PDE11A: variants seen among roughly 807,000 people sequenced by gnomAD.
PDE11A encodes dual 3',5'-cyclic-AMP and -GMP phosphodiesterase 11A.
Under a neutral mutation model 100.5 loss-of-function variants are expected in PDE11A, and 100 were observed. The ratio of observed to expected loss-of-function variants is 1.00; its 90% CI spans 0.85 to 1.18. PDE11A has a LOEUF of 1.18. Among genes scored for constraint, PDE11A ranks in the 50% most tolerant of loss-of-function variants. The pLI, the probability that PDE11A is intolerant of heterozygous loss-of-function variation, is 0.00. For synonymous variants in PDE11A, 381 were observed against 420.8 expected (o/e 0.91, Z 1.16); for missense variants, 1,141 against 1,152.6 (o/e 0.99, Z 0.15).
chr2:177,672,535 T>G (rs1031014181), intron 17 of PDE11A, among the ~76,000 whole-genome samples: 1 of 152,156 alleles, frequency 6.6e-6, no homozygotes, highest in Non-Finnish European at 1.5e-5. Context: ...GGTATCAAGA[T>G]AGTGAGGAGG....
At chr2:178,084,042 GA>G (rs200409612) in intron 2 of PDE11A, among the ~76,000 whole-genome samples, 87 of 152,082 alleles carry the variant, frequency 5.7e-4, no homozygotes, top group African/African-American at 2.0e-3. Context: ...TGTATGTATA[GA>G]AAAAAACTAT....
chr2:177,786,239 G>A (rs6758508), intron 9 of PDE11A, among the ~76,000 whole-genome samples: 50,570 of 151,996 alleles, frequency 0.33, 8,794 homozygotes, highest in African/African-American at 0.39. Flanking sequence ...ATGAAAATCC[G>A]CTGTTCTGCA....
intron 5 of PDE11A, among the ~76,000 whole-genome samples, chr2:177,845,150 G>C (rs1302404817): frequency 6.7e-6 from 1 of 150,260 alleles, no homozygotes; most frequent in Non-Finnish European, 1.5e-5. Context: ...CGGACGGGGC[G>C]GCTGGCCGGG....
chr2:177,979,161 T>A (rs192301135), intron 2 of PDE11A, among the ~76,000 whole-genome samples: 3 of 150,472 alleles, frequency 2.0e-5, no homozygotes, highest in African/African-American at 7.2e-5. Context: ...CCCCAACCCC[T>A]TTGGATGTGT....
intron 2 of PDE11A, among the ~76,000 whole-genome samples, chr2:177,906,177 ACACG>A (rs3037874): frequency 0.26 from 39,716 of 151,050 alleles, 5,903 homozygotes; most frequent in African/African-American, 0.42. Context: ...ACACACACAC[ACACG>A]CACGCACGCA....
At chr2:177,882,070 T>C (rs1331805629) in intron 4 of PDE11A, among the ~76,000 whole-genome samples, 2 of 152,198 alleles carry the variant, frequency 1.3e-5, no homozygotes, top group African/African-American at 4.8e-5. Context: ...GTAAGAGATA[T>C]ACTCGAGGAT....
At position 178,071,901 on chromosome 2, in the gene PDE11A, T is replaced by C; in HGVS notation, c.537A>G (p.Arg179=). ...AHILSALLES[R]VNLPRYPPTA... ...TAGGGGGATACCGAGGCAGATTCAC[T>C]CTCGATTCCAGCAGCGCACTGAGAA... is the stretch of plus-strand genomic sequence containing the variant. The change falls in exon 1 of 20, where the codon AGA becomes AGG. Residue 179 remains arginine (R), a synonymous_variant. Transcript: ENST00000286063. The C allele has an allele frequency of 1.2e-6, 2 of 1,613,906 alleles. No individual in the cohort carries two copies. Among genetic ancestry groups the C allele is most frequent in the Non-Finnish European group, 1.7e-6 (2 of 1,179,844 alleles).
At chr2:178,077,297 A>C, upstream of PDE11A, among the ~76,000 whole-genome samples, 1 of 124,888 alleles carries the variant, frequency 8.0e-6, no homozygotes, top group Non-Finnish European at 1.6e-5. Flanking sequence ...ACAGAGTCTC[A>C]CTCTGCTGCC....
At chr2:177,853,926 A>G (rs1293269717) in intron 5 of PDE11A, among the ~76,000 whole-genome samples, 1 of 147,292 alleles carries the variant, frequency 6.8e-6, no homozygotes, top group African/African-American at 2.5e-5. Flanking sequence ...ATATATATGT[A>G]TATATATGTG....
intron 2 of PDE11A, among the ~76,000 whole-genome samples, chr2:177,995,231 T>C (rs1403519251): frequency 6.6e-6 from 1 of 152,178 alleles, no homozygotes; most frequent in African/African-American, 2.4e-5. Flanking sequence ...GGCAATTTTA[T>C]ATTCCTTTGT....
At chr2:177,961,043 A>G (rs1414092199) in intron 2 of PDE11A, among the ~76,000 whole-genome samples, 2 of 152,188 alleles carry the variant, frequency 1.3e-5, no homozygotes, top group Admixed American at 6.5e-5. Context: ...AACCTTCCTG[A>G]TCATTCCTCC....
At chr2:177,800,303 G>A (rs574709821) in intron 9 of PDE11A, among the ~76,000 whole-genome samples, 3 of 152,082 alleles carry the variant, frequency 2.0e-5, no homozygotes, top group Non-Finnish European at 2.9e-5. Flanking sequence ...CTGAGTAGCT[G>A]GGACTATAGG....
intron 2 of PDE11A, among the ~76,000 whole-genome samples, chr2:177,927,218 C>T (rs1294252460): frequency 2.0e-5 from 3 of 152,218 alleles, no homozygotes; most frequent in Non-Finnish European, 4.4e-5. Context: ...ATTGCCATGA[C>T]AGCTAGTCAA....
intron 2 of PDE11A, among the ~76,000 whole-genome samples, chr2:177,932,204 T>C (rs1226514382): frequency 6.6e-6 from 1 of 152,046 alleles, no homozygotes; most frequent in Admixed American, 6.6e-5. Context: ...CTCTGGACCA[T>C]ATGAATTGAA....
At chr2:177,961,565 C>T (rs1490098252) in intron 2 of PDE11A, among the ~76,000 whole-genome samples, 2 of 152,078 alleles carry the variant, frequency 1.3e-5, no homozygotes, top group Admixed American at 6.6e-5. Context: ...TTTTTACTTA[C>T]ATTTAATTTT....
intron 5 of PDE11A, among the ~76,000 whole-genome samples, chr2:177,861,885 C>T (rs2083951035): frequency 6.6e-6 from 1 of 151,830 alleles, no homozygotes; most frequent in African/African-American, 2.4e-5. Context: ...TGATATTGGA[C>T]CCCTTATCTC....
intron 1 of PDE11A, among the ~76,000 whole-genome samples, chr2:178,023,876 A>G (rs774809851): frequency 3.9e-5 from 6 of 152,202 alleles, no homozygotes; most frequent in Non-Finnish European, 5.9e-5. Context: ...AAGGTGAAAT[A>G]AGATATGCAT....
intron 12 of PDE11A, among the ~76,000 whole-genome samples, chr2:177,721,246 C>T (rs1027432755): frequency 3.3e-5 from 5 of 152,088 alleles, no homozygotes; most frequent in South Asian, 2.1e-4. Flanking sequence ...CCAGGTTTTG[C>T]GGCTTGTTTC....
Position 177,628,143 on chromosome 2 carries a change from C to T in PDE11A, c.*1264G>A, listed in dbSNP as rs955911756. 4 of 152,522 alleles carry T rather than the reference C, an allele frequency of 2.6e-5. No individual in the cohort carries two copies. The highest frequency in any genetic ancestry group is 1.9e-4 in the East Asian group (1 of 5,190). The allele number at this position is 152,522 out of a possible 1,614,324, so 9.4% of individuals were successfully genotyped here. On this transcript the variant is annotated 3_prime_UTR_variant, in exon 20 of 20. Transcript: ENST00000286063. Reference sequence around the variant, plus strand: ...AAGAGTTGTAAGGTTAAAACATGTTCGAGAATCGTTTCCTAGTGTAATCTA... The same window carrying T: ...AAGAGTTGTAAGGTTAAAACATGTTTGAGAATCGTTTCCTAGTGTAATCTA...
Sources: gnomAD v4.1 joint callset for allele counts (sites outside exome capture counted in the v4.1 genomes callset) on GRCh38, gnomAD v4.1.1 for gene constraint, MANE v1.5 for transcripts, NCBI Gene and HGNC (gene_info 2026-07-23, HGNC 2026-07-21) for gene names.